Variants in PPP1R1A observed in about 807,000 individuals in gnomAD.
PPP1R1A encodes protein phosphatase 1 regulatory inhibitor subunit 1A.
In PPP1R1A, 18 loss-of-function variants were observed where a neutral mutation model predicts 23.9. The ratio of observed to expected loss-of-function variants is 0.75; its 90% CI spans 0.52 to 1.12. The LOEUF (loss-of-function observed/expected upper bound fraction) is 1.12, where lower values mean the gene tolerates loss of function less well. Among genes scored for constraint, PPP1R1A ranks in the 50% most tolerant of loss-of-function variants. The pLI, the probability that PPP1R1A is intolerant of heterozygous loss-of-function variation, is 0.00. For missense variants in PPP1R1A, 207 were observed against 223.8 expected (o/e 0.92, Z 0.48); for synonymous variants, 84 against 80.7 (o/e 1.04, Z -0.22).
chr12:54,583,318 C>A, intron 2 of PPP1R1A, 70 bp from the exon 3 acceptor site: 1 of 1,332,500 alleles, frequency 7.5e-7, no homozygotes, highest in Non-Finnish European at 9.9e-7. Context: ...GCTGACTTCT[C>A]AGGGGAGGGG....
Position 54,588,412 on chromosome 12 carries a change from G to T in PPP1R1A, c.77C>A (p.Ala26Glu). 6.7e-7 allele frequency: 1 copy of T among 1,498,258 alleles called. No homozygotes were observed. Among genetic ancestry groups the T allele is most frequent in the Non-Finnish European group, 8.9e-7 (1 of 1,118,844 alleles). 92.8% of individuals were successfully genotyped at this position (1,498,258 alleles called of 1,614,324 possible). The change falls in exon 1 of 7, where the codon GCG (alanine) becomes GAG (glutamate). Residue 26 changes from alanine (A) to glutamate (E), a missense_variant. Physicochemically the swap from Ala to Glu is moderately radical, Grantham distance 107. Coordinates refer to ENST00000257905, the MANE Select transcript of PPP1R1A (RefSeq NM_006741.4). ...CCCCGCCCTGCTCCGCACCTGCTCC[G>T]CCGCCTCGGGGTCAAGGTGCGGCTC... ...LLEPHLDPEA[A>E]EQIRRRRPTP... is the part of the protein sequence containing the mutation.
rs1020158616 is a variant in PPP1R1A at position 54,581,495 on chromosome 12, G to C, written c.404-445C>G. 3.9e-5 allele frequency among the ~76,000 whole-genome samples: 6 copies of C among 152,154 alleles called. No homozygotes were observed. Among genetic ancestry groups the C allele is most frequent in the African/African-American group, 1.4e-4 (6 of 41,422 alleles). ...ATTCTGAATTCTGGAATATATCTAGGATAAGGGACATAGCGCACTGCTACC... is the reference window on the plus strand; with the variant it reads ...ATTCTGAATTCTGGAATATATCTAGCATAAGGGACATAGCGCACTGCTACC... On this transcript the variant is annotated intron_variant, in intron 5 of 6. Transcript: ENST00000257905. This position sits in a 1 kb window ranked among gnomAD's most constrained non-coding sequence, Gnocchi z 4.1.
intron 3 of PPP1R1A, 28 bp downstream of exon 3, chr12:54,583,183 C>G: frequency 6.4e-7 from 1 of 1,554,656 alleles, no homozygotes; most frequent in Non-Finnish European, 8.7e-7. Context: ...GTTTTTTGGG[C>G]TGGGCTTAGT....
chr12:54,582,747 T>G lies in PPP1R1A; in HGVS notation c.232A>C (p.Thr78Pro), dbSNP rs1565711749. Residue 78 changes from threonine to proline, a missense_variant, in exon 4 of 7, where the codon ACA becomes CCA. By Grantham distance (38) the Thr-to-Pro change is conservative. Transcript: ENST00000257905. Reference sequence around the variant, plus strand: ...TCTTGCAAACCTTTCATTGTGGGTGTGATCCTTGTCATCTTCTTCCGTTGC... The same window carrying G: ...TCTTGCAAACCTTTCATTGTGGGTGGGATCCTTGTCATCTTCTTCCGTTGC... ...PRQRKKMTRI[T>P]PTMKELQMMV... 2 of 1,613,840 alleles carry G rather than the reference T, an allele frequency of 1.2e-6. No homozygotes were observed.
rs750886325 is a variant in PPP1R1A, at chr12:54,583,247, C to T, written c.147G>A (p.Glu49=). Residue 49 remains glutamate (E), a splice_region_variant and synonymous_variant, in exon 3 of 7, where the codon GAG becomes GAA. Coordinates refer to ENST00000257905, the MANE Select transcript of PPP1R1A (RefSeq NM_006741.4). ...LVLTSDQSSP[E]IDEDRIPNPH... ...GGTTGGGGATCCGGTCTTCATCTAT[C>T]TCTGAAGGGAACAGGGAAAGGAGAG... The T allele has an allele frequency of 6.6e-7, 1 of 1,526,502 alleles. No individual in the cohort carries two copies. Among genetic ancestry groups the T allele is most frequent in the African/African-American group, 1.4e-5 (1 of 70,498 alleles). 94.6% of individuals were successfully genotyped at this position (1,526,502 alleles called of 1,614,324 possible).
chr12:54,588,325 AGGGATCCT>A, intron 1 of PPP1R1A, 72 bp downstream of exon 1: 1 of 1,059,296 alleles, frequency 9.4e-7, no homozygotes. Context: ...AGGACTAGGC[AGGGATCCT>A]GGGTCCCACC....
At chr12:54,580,694 C>T (rs185967898) in intron 6 of PPP1R1A, among the ~76,000 whole-genome samples, 2 of 152,362 alleles carry the variant, frequency 1.3e-5, no homozygotes, top group Admixed American at 6.5e-5. Flanking sequence ...CCATGGCCTA[C>T]TGCTCTCACC....
intron 6 of PPP1R1A, 170 bp downstream of exon 6, chr12:54,580,774 T>C (rs1438141929): frequency 1.3e-6 from 1 of 751,382 alleles, no homozygotes; most frequent in Non-Finnish European, 2.4e-6. Flanking sequence ...TCCATTTCTT[T>C]TTGTCTGTCA....
At position 54,583,238 on chromosome 12, in the gene PPP1R1A, T is replaced by C. The variant is rs762023964; in HGVS notation, c.156A>G (p.Glu52=). The C allele has an allele frequency of 2.0e-6, 3 of 1,534,028 alleles. No individual in the cohort carries two copies. The Admixed American group carries it at 6.5e-5, about 33-fold the overall frequency. Residue 52 remains glutamate, a synonymous_variant, in exon 3 of 7, where the codon GAA becomes GAG. Transcript: ENST00000257905. ...TSDQSSPEID[E]DRIPNPHLKS... The stretch of plus-strand genomic sequence containing the variant: ...TGAGATGTGGGTTGGGGATCCGGTC[T>C]TCATCTATCTCTGAAGGGAACAGGG...
chr12:54,587,662 T>C (rs1246165014), intron 1 of PPP1R1A, among the ~76,000 whole-genome samples: 1 of 152,126 alleles, frequency 6.6e-6, no homozygotes, highest in Non-Finnish European at 1.5e-5. Flanking sequence ...TTGCATATTG[T>C]TCAGCTTGGA....
chr12:54,582,861 C>A (rs1299704113), intron 3 of PPP1R1A, 66 bp from the exon 4 acceptor site: 23 of 1,517,284 alleles, frequency 1.5e-5, no homozygotes, highest in Non-Finnish European at 2.0e-5. Flanking sequence ...CTCCCTTGCC[C>A]TCTAGCCCCC....
intron 3 of PPP1R1A, among the ~76,000 whole-genome samples, chr12:54,583,006 A>G (rs1202156921): frequency 6.6e-6 from 1 of 152,084 alleles, no homozygotes; most frequent in African/African-American, 2.4e-5. Context: ...ATGGTGAGCA[A>G]GGAGACTGTG....
At chr12:54,588,300 G>A (rs1187235066) in intron 1 of PPP1R1A, 105 bp downstream of exon 1, 2 of 607,806 alleles carry the variant, frequency 3.3e-6, no homozygotes, top group Non-Finnish European at 4.7e-6. Context: ...CCTCAAAAGG[G>A]CGCACTGCTA....
intron 1 of PPP1R1A, among the ~76,000 whole-genome samples, chr12:54,588,070 G>C (rs1039884363): frequency 1.3e-5 from 2 of 152,028 alleles, no homozygotes; most frequent in Non-Finnish European, 2.9e-5. Flanking sequence ...TTGACTGGGT[G>C]GGGGATGCAG....
intron 1 of PPP1R1A, among the ~76,000 whole-genome samples, chr12:54,585,277 G>A (rs1854527899): frequency 6.6e-6 from 1 of 152,168 alleles, no homozygotes; most frequent in Non-Finnish European, 1.5e-5. Flanking sequence ...CCCTAGGCAG[G>A]ACCCTGGTCA....
At chr12:54,583,387 C>G (rs972646122) in intron 2 of PPP1R1A, 139 bp from the exon 3 acceptor site, 1 of 796,154 alleles carries the variant, frequency 1.3e-6, no homozygotes, top group African/African-American at 1.8e-5. Context: ...GCTCTTGGCC[C>G]TCATGGCTGC....
Position 54,588,387 on chromosome 12 carries a change from C to T in PPP1R1A, c.84+18G>A. ...CCTTGGCTGGGCGAGTGCCCTGCCG[C>T]CCCGCCCTGCTCCGCACCTGCTCCG... On this transcript the variant is annotated intron_variant, in intron 1 of 6. Transcript: ENST00000257905. The T allele has an allele frequency of 6.7e-7, 1 of 1,493,752 alleles. No homozygotes were observed. The highest frequency in any genetic ancestry group is 2.9e-5 in the East Asian group (1 of 34,542). 92.5% of individuals were successfully genotyped at this position (1,493,752 alleles called of 1,614,324 possible).
chr12:54,585,861 G>A (rs1957905195), intron 1 of PPP1R1A, among the ~76,000 whole-genome samples: 1 of 152,156 alleles, frequency 6.6e-6, no homozygotes, highest in Non-Finnish European at 1.5e-5. Flanking sequence ...GGAGAATTCA[G>A]TGGCATCTGT....
intron 1 of PPP1R1A, among the ~76,000 whole-genome samples, chr12:54,586,062 T>C (rs984435128): frequency 1.3e-5 from 2 of 152,088 alleles, no homozygotes; most frequent in African/African-American, 4.8e-5. Flanking sequence ...CCTCTACTTC[T>C]TTCCATCCTG....
Sources: allele counts gnomAD v4.1 joint callset (sites outside exome capture counted in the v4.1 genomes callset), GRCh38; gene constraint gnomAD v4.1.1; non-coding constraint Gnocchi (gnomAD v3.1); transcripts MANE v1.5; gene names NCBI Gene and HGNC (gene_info 2026-07-23, HGNC 2026-07-21).